The following NFIB variants were observed in gnomAD, a reference collection of about 807,000 sequenced individuals.
NFIB encodes nuclear factor 1 B-type.
Under a neutral mutation model 61.5 loss-of-function variants are expected in NFIB, and 11 were observed. The observed-to-expected ratio is 0.18, with a 90% CI of 0.11 to 0.30. The LOEUF (loss-of-function observed/expected upper bound fraction) is 0.30. Among genes scored for constraint, NFIB ranks in the 10% least tolerant of loss-of-function variants. The probability of loss-of-function intolerance (pLI) is 1.00; values close to 1 mark genes in which losing one functional copy is unlikely to be tolerated. For missense variants in NFIB, 471 were observed against 608.9 expected, an observed-to-expected ratio of 0.77 and a Z score of 2.38; for synonymous variants, 260 against 216.5, an observed-to-expected ratio of 1.20 and a Z score of -1.76.
Position 14,086,601 on chromosome 9 carries a change from A to G in NFIB, c.*1708T>C. On this transcript the variant is annotated 3_prime_UTR_variant, in exon 11 of 11. Coordinates refer to ENST00000380953, the MANE Select transcript of NFIB (RefSeq NM_001190737.2). ...TACAATTTTTAAGCGGCAACTATAC[A>G]CAGCCATGATATGCTTTATAAATGT... 4.6e-6 allele frequency: 1 copy of G among 216,034 alleles called. No individual in the cohort carries two copies. 13.4% of individuals were successfully genotyped at this position (216,034 alleles called of 1,614,324 possible).
intron 10 of NFIB, among the ~76,000 whole-genome samples, chr9:14,110,578 G>C (rs1424292763): frequency 6.6e-6 from 1 of 152,028 alleles, no homozygotes; most frequent in East Asian, 1.9e-4. Context: ...ACTGCCTCTA[G>C]AAGAATGGTC....
chr9:14,364,877 G>A (rs1325287748), intron 1 of NFIB, among the ~76,000 whole-genome samples: 2 of 152,206 alleles, frequency 1.3e-5, no homozygotes, highest in African/African-American at 2.4e-5. Context: ...TCAGAGAGAT[G>A]AGAGGGTAAT....
chr9:14,322,366 T>G (rs1346526748), intron 1 of NFIB: 1 of 241,426 alleles, frequency 4.1e-6, no homozygotes, highest in Non-Finnish European at 8.0e-6. Context: ...TATTGTTGTT[T>G]TAGCGGGGCT....
the NFIB span, among the ~76,000 whole-genome samples, chr9:14,510,728 C>A: frequency 6.6e-6 from 1 of 152,142 alleles, no homozygotes; most frequent in African/African-American, 2.4e-5. Flanking sequence ...ACCTCAAAAT[C>A]ACATTTTAAG....
chr9:14,234,181 T>A (rs775056344), intron 2 of NFIB, among the ~76,000 whole-genome samples: 9 of 152,144 alleles, frequency 5.9e-5, no homozygotes, highest in Non-Finnish European at 8.8e-5. Context: ...ACTCTCTAGA[T>A]TGGATGGCAG....
At chr9:14,190,441 A>C (rs2047822871) in intron 2 of NFIB, among the ~76,000 whole-genome samples, 1 of 152,220 alleles carries the variant, frequency 6.6e-6, no homozygotes, top group Non-Finnish European at 1.5e-5. Flanking sequence ...AAATCAGATA[A>C]GTCATCTGAT....
chr9:14,309,745 G>A (rs1588265946), intron 1 of NFIB, among the ~76,000 whole-genome samples: 1 of 152,144 alleles, frequency 6.6e-6, no homozygotes, highest in Admixed American at 6.5e-5. Flanking sequence ...TATGCAAAAG[G>A]AAAGCCTGCT....
rs928690053 is a variant in NFIB, at chr9:14,273,023, T to C, written c.562+33966A>G. 2.3e-4 allele frequency among the ~76,000 whole-genome samples: 35 copies of C among 152,076 alleles called. 1 individual carries two copies. Among genetic ancestry groups the C allele is most frequent in the Admixed American group, 2.3e-3 (35 of 15,260 alleles). ...GCCTAGACTAAAAATGAATTAAGATTATATTGAGAGTGTCAGTCCTAAGTC... is the reference window on the plus strand; with the variant it reads ...GCCTAGACTAAAAATGAATTAAGATCATATTGAGAGTGTCAGTCCTAAGTC... On this transcript the variant is annotated intron_variant, in intron 2 of 10. Coordinates refer to ENST00000380953, the MANE Select transcript of NFIB (RefSeq NM_001190737.2).
At chr9:14,360,967 C>T (rs1221988714) in intron 1 of NFIB, among the ~76,000 whole-genome samples, 1 of 151,680 alleles carries the variant, frequency 6.6e-6, no homozygotes, top group East Asian at 1.9e-4. Flanking sequence ...CACAGAAAAC[C>T]CCAGGGATAG....
Position 14,086,326 on chromosome 9 carries a change from T to C in NFIB, c.*1983A>G, listed in dbSNP as rs889164564. The C allele has an allele frequency of 1.4e-5, 3 of 218,600 alleles. No individual in the cohort carries two copies. Among genetic ancestry groups the C allele is most frequent in the Non-Finnish European group, 1.8e-5 (2 of 108,926 alleles). 13.5% of individuals were successfully genotyped at this position (218,600 alleles called of 1,614,324 possible). On this transcript the variant is annotated 3_prime_UTR_variant, in exon 11 of 11. Coordinates refer to ENST00000380953, the MANE Select transcript of NFIB (RefSeq NM_001190737.2). ...AAAGGACCTCATCACACTGCAAAAA[T>C]AGCAGTACCCACTTTGGTCAATTAA...
At chr9:14,290,769 G>A (rs1161357146) in intron 2 of NFIB, among the ~76,000 whole-genome samples, 1 of 152,076 alleles carries the variant, frequency 6.6e-6, no homozygotes, top group African/African-American at 2.4e-5. Context: ...TTCCTAGTTT[G>A]AGGAACTTTC....
the NFIB span, among the ~76,000 whole-genome samples, chr9:14,433,586 C>A: frequency 6.6e-6 from 1 of 152,106 alleles, no homozygotes; most frequent in African/African-American, 2.4e-5. Context: ...CCAAATAATT[C>A]AGGGTTGTTA....
intron 2 of NFIB, among the ~76,000 whole-genome samples, chr9:14,182,916 C>T (rs895502049): frequency 1.3e-5 from 2 of 151,842 alleles, no homozygotes; most frequent in Non-Finnish European, 2.9e-5. Flanking sequence ...TCACATTAAG[C>T]ACCAAAAGCA....
At chr9:14,426,889 A>G in the NFIB span, among the ~76,000 whole-genome samples, 1 of 152,122 alleles carries the variant, frequency 6.6e-6, no homozygotes, top group Non-Finnish European at 1.5e-5. Context: ...TTCAGACCTC[A>G]CTGCACTGGA....
chr9:14,161,962 T>A (rs538052722), intron 3 of NFIB, among the ~76,000 whole-genome samples: 1 of 152,316 alleles, frequency 6.6e-6, no homozygotes, highest in South Asian at 2.1e-4. Flanking sequence ...AGTAGGGATT[T>A]GTTTTTAATT....
At chr9:14,438,764 C>T in the NFIB span, among the ~76,000 whole-genome samples, 1 of 152,024 alleles carries the variant, frequency 6.6e-6, no homozygotes, top group Admixed American at 6.5e-5. Context: ...GGGGGCTGAT[C>T]CATTAATGAT....
At chr9:14,173,382 T>A (rs1733194796) in intron 3 of NFIB, among the ~76,000 whole-genome samples, 1 of 152,190 alleles carries the variant, frequency 6.6e-6, no homozygotes, top group Non-Finnish European at 1.5e-5. Flanking sequence ...AAGACCTGCA[T>A]CGTAACACTA....
chr9:14,350,524 A>C (rs1054897186), intron 1 of NFIB, among the ~76,000 whole-genome samples: 5 of 151,588 alleles, frequency 3.3e-5, no homozygotes, highest in South Asian at 2.1e-4. Context: ...TGGGGGGGGA[A>C]GTTGGGGGTC....
chr9:14,144,214 A>T (rs2042050844), intron 6 of NFIB, among the ~76,000 whole-genome samples: 2 of 152,132 alleles, frequency 1.3e-5, no homozygotes, highest in Admixed American at 6.6e-5. Flanking sequence ...TCATAATATG[A>T]TTTGAGATTG....
Sources: allele counts gnomAD v4.1 joint callset (sites outside exome capture counted in the v4.1 genomes callset), GRCh38; gene constraint gnomAD v4.1.1; transcripts MANE v1.5; gene names NCBI Gene and HGNC (gene_info 2026-07-23, HGNC 2026-07-21).